The following CRYBG2 variants were observed in gnomAD, a reference collection of about 807,000 sequenced individuals.
The protein encoded by CRYBG2 is beta/gamma crystallin domain-containing protein 2.
A neutral mutation model predicts 153.4 loss-of-function variants in CRYBG2; 106 were observed. The observed-to-expected ratio is 0.69, with a 90% CI of 0.59 to 0.81. CRYBG2 has a LOEUF of 0.81. Among genes scored for constraint, CRYBG2 ranks in the 30% least tolerant of loss-of-function variants. The probability of loss-of-function intolerance (pLI) is 0.00; values close to 1 mark genes in which losing one functional copy is unlikely to be tolerated. For missense variants in CRYBG2, 1,996 were observed against 2,112.0 expected, an observed-to-expected ratio of 0.95 and a Z score of 1.08; for synonymous variants, 851 against 877.8, an observed-to-expected ratio of 0.97 and a Z score of 0.54.
At position 26,337,383 on chromosome 1, in the gene CRYBG2, G is replaced by A. The variant is rs1298732306; in HGVS notation, c.3645-4C>T. 1 of 1,613,084 alleles carries A rather than the reference G, an allele frequency of 6.2e-7. No homozygotes were observed. The highest frequency in any genetic ancestry group is 1.7e-5 in the Admixed American group (1 of 59,898). On this transcript the variant is annotated splice_polypyrimidine_tract_variant and splice_region_variant and intron_variant, in intron 9 of 19. Coordinates refer to ENST00000308182, the MANE Select transcript of CRYBG2 (RefSeq NM_001039775.4). ...CTCCTTCTCGTAGCCCACCCAGCTGGGAAAAGCAGGAGGACAGACAGGCAG... is the reference window on the plus strand; with the variant it reads ...CTCCTTCTCGTAGCCCACCCAGCTGAGAAAAGCAGGAGGACAGACAGGCAG...
Position 26,328,813 on chromosome 1 carries a change from C to T in CRYBG2, c.4375G>A (p.Glu1459Lys), listed in dbSNP as rs115089365. 3.1e-6 allele frequency: 5 copies of T among 1,614,058 alleles called. No homozygotes were observed. Among genetic ancestry groups the T allele is most frequent in the Admixed American group, 3.3e-5 (2 of 60,010 alleles). Residue 1459 changes from glutamate to lysine, a missense_variant, in exon 16 of 20, where the codon GAG (glutamate) becomes AAG (lysine). Physicochemically the swap from Glu to Lys is moderately conservative, Grantham distance 56. Transcript: ENST00000308182. ...AGGCTCCGCACCTCCCTGCTGAGCT[C>T]GATCTCCTTCCCCTCGAAGCACTCG... is the stretch of plus-strand genomic sequence containing the variant. ...GLECFEGKEI[E>K]LSREVRSLQA...
At position 26,336,449 on chromosome 1, in the gene CRYBG2, A is replaced by G. The variant is rs748215665; in HGVS notation, c.4039-79T>C. On this transcript the variant is annotated intron_variant, in intron 12 of 19. Coordinates refer to ENST00000308182, the MANE Select transcript of CRYBG2 (RefSeq NM_001039775.4). This position sits in a 1 kb window ranked among gnomAD's most constrained non-coding sequence, Gnocchi z 4.9. ...TCTTCTCTAGGTTTCAGTACCGTCCACCCCGCGGCCGCGCCCTCGGCCCCG... is the reference window on the plus strand; with the variant it reads ...TCTTCTCTAGGTTTCAGTACCGTCCGCCCCGCGGCCGCGCCCTCGGCCCCG... The G allele has an allele frequency of 6.4e-7, 1 of 1,568,560 alleles. No homozygotes were observed. Among genetic ancestry groups the G allele is most frequent in the South Asian group, 1.2e-5 (1 of 85,718 alleles).
At position 26,346,427 on chromosome 1, in the gene CRYBG2, A is replaced by G. The variant is rs1460735530; in HGVS notation, c.231T>C (p.Asn77=). The change falls in exon 2 of 20, where the codon AAT becomes AAC. Residue 77 remains asparagine, a synonymous_variant. Coordinates refer to ENST00000308182, the MANE Select transcript of CRYBG2 (RefSeq NM_001039775.4). This position sits in a 1 kb window ranked among gnomAD's most constrained non-coding sequence, Gnocchi z 4.9. The stretch of plus-strand genomic sequence containing the variant: ...CAGCTGTATCCCGAGGGCCCTGGCA[A>G]TTCACAGTCTCTTCTTCCTGTGTTG... ...GFATQEEETV[N]CQGPRDTAGS... The G allele has an allele frequency of 1.2e-6, 2 of 1,601,842 alleles. No individual in the cohort carries two copies. Among genetic ancestry groups the G allele is most frequent in the South Asian group, 2.2e-5 (2 of 91,050 alleles).
chr1:26,336,601 C>A lies in CRYBG2; in HGVS notation c.4038+5G>T, dbSNP rs142178208. 6.5e-7 allele frequency: 1 copy of A among 1,547,584 alleles called. No homozygotes were observed. Among genetic ancestry groups the A allele is most frequent in the East Asian group, 2.5e-5 (1 of 40,642 alleles). On this transcript the variant is annotated splice_donor_5th_base_variant and intron_variant, in intron 12 of 19. Transcript: ENST00000308182. The surrounding 1 kb of genome is among the most constrained non-coding windows in gnomAD (Gnocchi z 4.9). Reference sequence around the variant, plus strand: ...GAGGCCCCGCCCCCCGCGGCCGGCACGCACCTGTAGGACCGGCTGCAGCGA... The same window carrying A: ...GAGGCCCCGCCCCCCGCGGCCGGCAAGCACCTGTAGGACCGGCTGCAGCGA...
intron 5 of CRYBG2, among the ~76,000 whole-genome samples, chr1:26,340,076 C>G (rs1570192929): frequency 6.6e-6 from 1 of 152,346 alleles, no homozygotes; most frequent in East Asian, 1.9e-4. Flanking sequence ...TTCCTGAGTT[C>G]CAACTTTGAC....
rs1287588354 is a variant in CRYBG2 at position 26,322,181 on chromosome 1, T to C, written c.4880A>G (p.Gln1627Arg). The C allele has an allele frequency of 3.1e-6, 5 of 1,613,910 alleles. No individual in the cohort carries two copies. Among genetic ancestry groups the C allele is most frequent in the Non-Finnish European group, 4.2e-6 (5 of 1,179,868 alleles). Reference protein sequence around the residue: ...GHICSQMFEGQILDVKGGRGY... With the variant: ...GHICSQMFEGRILDVKGGRGY... ...CACCTTACCCTTCACGTCCAGGATC[T>C]GGCCTTCGAACATCTGGCTGCAGAT... The change falls in exon 19 of 20, where the codon CAG becomes CGG. Residue 1627 changes from glutamine to arginine, a missense_variant. Physicochemically the swap from Gln to Arg is conservative, Grantham distance 43. Transcript: ENST00000308182.
At chr1:26,331,145 C>T (rs1264997642) in intron 15 of CRYBG2, among the ~76,000 whole-genome samples, 1 of 152,238 alleles carries the variant, frequency 6.6e-6, no homozygotes, top group Non-Finnish European at 1.5e-5. Context: ...AGCACTGGCC[C>T]CTGCCCCACC....
At chr1:26,350,817 G>A (rs1028074474) in intron 1 of CRYBG2, among the ~76,000 whole-genome samples, 1 of 152,008 alleles carries the variant, frequency 6.6e-6, no homozygotes, top group Non-Finnish European at 1.5e-5. Flanking sequence ...CCTTCTCCAT[G>A]AGGTACCCTC....
chr1:26,328,378 C>A, intron 16 of CRYBG2, 46 bp from the exon 17 acceptor site: 1 of 1,539,804 alleles, frequency 6.5e-7, no homozygotes, highest in Non-Finnish European at 8.8e-7. Context: ...CACAGACACA[C>A]AGACAGACAG....
At chr1:26,327,669 G>A (rs1439330987) in intron 17 of CRYBG2, among the ~76,000 whole-genome samples, 3 of 151,334 alleles carry the variant, frequency 2.0e-5, no homozygotes, top group Admixed American at 2.0e-4. Flanking sequence ...AAAAAGGGCT[G>A]GGCATGGTGG....
At chr1:26,329,781 T>G (rs1192306006) in intron 15 of CRYBG2, among the ~76,000 whole-genome samples, 1 of 152,154 alleles carries the variant, frequency 6.6e-6, no homozygotes, top group African/African-American at 2.4e-5. Flanking sequence ...AGTCTCACTC[T>G]GTCACCCAGG....
Position 26,346,480 on chromosome 1 carries a change from G to GAC in CRYBG2, c.176_177dup (p.Arg60ValfsTer18). ...AAGCCATTGACTTCCACTTCCTCTC[G>GAC]ACGGCTGAACTCAAACATCTCCTTC... On this transcript the variant is annotated frameshift_variant, in exon 2 of 20. Coordinates refer to ENST00000308182, the MANE Select transcript of CRYBG2 (RefSeq NM_001039775.4). LOFTEE classifies it high-confidence loss of function. This position sits in a 1 kb window ranked among gnomAD's most constrained non-coding sequence, Gnocchi z 4.9. 6.2e-7 allele frequency: 1 copy of GAC among 1,610,748 alleles called. No homozygotes were observed. Among genetic ancestry groups the GAC allele is most frequent in the Non-Finnish European group, 8.5e-7 (1 of 1,179,804 alleles).
chr1:26,327,437 C>T lies in CRYBG2; in HGVS notation c.4578+772G>A, dbSNP rs373259867. On this transcript the variant is annotated intron_variant, in intron 17 of 19. Coordinates refer to ENST00000308182, the MANE Select transcript of CRYBG2 (RefSeq NM_001039775.4). Reference sequence around the variant, plus strand: ...GAGCCGAGATCACGCCATTGCACTTCAGCCCAGGTGACAGTGCGAGATTCC... The same window carrying T: ...GAGCCGAGATCACGCCATTGCACTTTAGCCCAGGTGACAGTGCGAGATTCC... Among the ~76,000 whole-genome samples, 20 of 151,758 alleles carry T rather than the reference C, an allele frequency of 1.3e-4. No individual in the cohort carries two copies. The East Asian group carries it at 3.5e-3, about 26-fold the overall frequency.
Position 26,342,804 on chromosome 1 carries a change from C to T in CRYBG2, c.3154G>A (p.Gly1052Arg), listed in dbSNP as rs774425463. Residue 1052 changes from glycine (G) to arginine (R), a missense_variant, in exon 5 of 20, where the codon GGG becomes AGG. Physicochemically the swap from Gly to Arg is moderately radical, Grantham distance 125. Coordinates refer to ENST00000308182, the MANE Select transcript of CRYBG2 (RefSeq NM_001039775.4). ...PEGDMELRTP[G>R]TKWSPQGIGS... ...ATGCCTTGGGGACTCCACTTTGTCCCTGGGGTTCTGAGTTCCATGTCTCCT... is the reference window on the plus strand; with the variant it reads ...ATGCCTTGGGGACTCCACTTTGTCCTTGGGGTTCTGAGTTCCATGTCTCCT... 1 of 1,614,108 alleles carries T rather than the reference C, an allele frequency of 6.2e-7. No individual in the cohort carries two copies. The highest frequency in any genetic ancestry group is 2.2e-5 in the East Asian group (1 of 44,890).
rs909462193 is a variant in CRYBG2 at position 26,343,492 on chromosome 1, G to A, written c.2914-199C>T. On this transcript the variant is annotated intron_variant, in intron 2 of 19. Coordinates refer to ENST00000308182, the MANE Select transcript of CRYBG2 (RefSeq NM_001039775.4). The surrounding 1 kb of genome is among the most constrained non-coding windows in gnomAD (Gnocchi z 4.1). ...CCCAGGAGCTTGGTGCTCATCACCC[G>A]CCTTCCTCAGCTCCCAGGATCTTGG... Among the ~76,000 whole-genome samples, 10 of 152,114 alleles carry A rather than the reference G, an allele frequency of 6.6e-5. No homozygotes were observed. Among genetic ancestry groups the A allele is most frequent in the African/African-American group, 2.2e-4 (9 of 41,398 alleles).
chr1:26,338,138 C>T, intron 7 of CRYBG2, 91 bp from the exon 8 acceptor site: 1 of 1,518,568 alleles, frequency 6.6e-7, no homozygotes, highest in East Asian at 2.4e-5. Flanking sequence ...CTGAGAACCC[C>T]AACCCCATGT....
chr1:26,344,566 C>A lies in CRYBG2; in HGVS notation c.2092G>T (p.Val698Phe). ...SPISSLTQKE[V>F]VQDPDALPAP... The stretch of plus-strand genomic sequence containing the variant: ...GGGAGAGCATCAGGGTCCTGCACAA[C>A]CTCTTTCTGGGTGAGAGATGAGATG... Residue 698 changes from valine (V) to phenylalanine (F), a missense_variant, in exon 2 of 20, where the codon GTT (valine) becomes TTT (phenylalanine). Transcript: ENST00000308182. 1 of 1,540,862 alleles carries A rather than the reference C, an allele frequency of 6.5e-7. No individual in the cohort carries two copies. The highest frequency in any genetic ancestry group is 8.7e-7 in the Non-Finnish European group (1 of 1,146,910).
chr1:26,328,128 A>C, intron 17 of CRYBG2, 81 bp downstream of exon 17: 1 of 1,494,464 alleles, frequency 6.7e-7, no homozygotes, highest in Non-Finnish European at 8.9e-7. Context: ...TTTGGGAAAC[A>C]CACAGCTAGA....
rs1251396285 is a variant in CRYBG2 at position 26,321,953 on chromosome 1, G to T, written c.*15C>A. 6.5e-7 allele frequency: 1 copy of T among 1,546,518 alleles called. No individual in the cohort carries two copies. Among genetic ancestry groups the T allele is most frequent in the South Asian group, 1.2e-5 (1 of 85,428 alleles). ...CAGCAAAAGCCTCCAGGGCTGGAGG[G>T]TGAGGGGAAAAGTTTCAAAGCACGT... On this transcript the variant is annotated 3_prime_UTR_variant, in exon 20 of 20. Coordinates refer to ENST00000308182, the MANE Select transcript of CRYBG2 (RefSeq NM_001039775.4).
Sources: gnomAD v4.1 joint callset for allele counts (sites outside exome capture counted in the v4.1 genomes callset) on GRCh38, gnomAD v4.1.1 for gene constraint, Gnocchi (gnomAD v3.1) non-coding constraint, MANE v1.5 for transcripts, NCBI Gene and HGNC (gene_info 2026-07-23, HGNC 2026-07-21) for gene names.